ESRP1: variants seen among roughly 807,000 people sequenced by gnomAD.
ESRP1 encodes RNA-binding motif protein 35A.
ESRP1 carries 33 observed loss-of-function variants against 81.7 expected under a neutral mutation model. The observed-to-expected ratio is 0.40, with a 90% CI of 0.31 to 0.54. The LOEUF (loss-of-function observed/expected upper bound fraction) is 0.54, where lower values mean the gene tolerates loss of function less well. ESRP1 is among the 20% of genes least tolerant of loss of function. ESRP1 has a pLI of 0.41. For synonymous variants in ESRP1, 320 were observed against 303.3 expected (o/e 1.06, Z -0.57); for missense variants, 672 against 833.1 (o/e 0.81, Z 2.38).
At chr8:94,656,268 GAGT>G (rs1818413464) in intron 4 of ESRP1, 1 of 152,026 alleles carries the variant, frequency 6.6e-6, no homozygotes. Flanking sequence ...GCCCAGGCTG[GAGT>G]ACAGTGGCGC....
chr8:94,661,943 T>G (rs1818770566), intron 4 of ESRP1, among the ~76,000 whole-genome samples: 1 of 152,230 alleles, frequency 6.6e-6, no homozygotes, highest in South Asian at 2.1e-4. Context: ...GCTGTAAAGA[T>G]TCAGAGGATG....
chr8:94,663,037 T>C (rs555377241), intron 6 of ESRP1, among the ~76,000 whole-genome samples: 1 of 152,330 alleles, frequency 6.6e-6, no homozygotes, highest in Non-Finnish European at 1.5e-5. Context: ...TAGAGCTTGA[T>C]ATTGGGAATA....
chr8:94,702,706 A>G (rs1809885598), intron 15 of ESRP1, among the ~76,000 whole-genome samples: 1 of 152,102 alleles, frequency 6.6e-6, no homozygotes, highest in Admixed American at 6.6e-5. Flanking sequence ...GATGGTCTCA[A>G]TCTCCTGACC....
intron 3 of ESRP1, among the ~76,000 whole-genome samples, chr8:94,644,061 T>C (rs1817734677): frequency 1.3e-5 from 2 of 152,194 alleles, no homozygotes; most frequent in Admixed American, 6.5e-5. Flanking sequence ...GCCTCATCTT[T>C]TACCTTTGCT....
At chr8:94,695,407 T>C (rs1156923920) in intron 14 of ESRP1, among the ~76,000 whole-genome samples, 2 of 121,592 alleles carry the variant, frequency 1.6e-5, no homozygotes, top group Non-Finnish European at 3.2e-5. Flanking sequence ...CAGGCTGGAG[T>C]GCAGTGGCGC....
At chr8:94,704,625 A>G (rs1439988745) in intron 15 of ESRP1, among the ~76,000 whole-genome samples, 2 of 151,916 alleles carry the variant, frequency 1.3e-5, no homozygotes, top group Non-Finnish European at 2.9e-5. Flanking sequence ...TTAGCTGGAT[A>G]TAGTGGTGTG....
chr8:94,681,739 C>T (rs1043466349), intron 13 of ESRP1, among the ~76,000 whole-genome samples: 5 of 152,194 alleles, frequency 3.3e-5, no homozygotes, highest in Non-Finnish European at 7.3e-5. Context: ...GGGTTCAAGA[C>T]CAGCCTGGCC....
chr8:94,641,581 G>A, intron 1 of ESRP1, 131 bp downstream of exon 1: 1 of 1,320,678 alleles, frequency 7.6e-7, no homozygotes, highest in Non-Finnish European at 1.1e-6. Context: ...CTGGACCCGA[G>A]GCCTAGGGAA....
At chr8:94,692,107 T>C (rs1260764974) in intron 13 of ESRP1, among the ~76,000 whole-genome samples, 1 of 152,198 alleles carries the variant, frequency 6.6e-6, no homozygotes, top group Non-Finnish European at 1.5e-5. Flanking sequence ...TTTTTATGTA[T>C]CTCTTCCAAC....
chr8:94,706,039 C>A lies in ESRP1; in HGVS notation c.*150C>A. On this transcript the variant is annotated 3_prime_UTR_variant, in exon 16 of 16. Coordinates refer to ENST00000433389, the MANE Select transcript of ESRP1 (RefSeq NM_017697.4). ...AGTATTTTCAGCAAACTTGATTGGA[C>A]AAACGGGCCTGTGCCTTATCTTTTG... 7.9e-7 allele frequency: 1 copy of A among 1,267,392 alleles called. No individual in the cohort carries two copies. Among genetic ancestry groups the A allele is most frequent in the Non-Finnish European group, 1.1e-6 (1 of 921,698 alleles). 78.5% of individuals were successfully genotyped at this position (1,267,392 alleles called of 1,614,324 possible). A position where few individuals can be genotyped will look rare whatever the true frequency, so the allele number is the denominator to read the frequency against.
intron 4 of ESRP1, 35 bp from the exon 5 acceptor site, chr8:94,662,236 AC>A (rs1467201380): frequency 7.5e-7 from 1 of 1,334,916 alleles, no homozygotes; most frequent in Non-Finnish European, 1.0e-6. Flanking sequence ...ACCTGATTTT[AC>A]CTTTCCAAAG....
At chr8:94,644,370 C>T (rs974735385) in intron 3 of ESRP1, among the ~76,000 whole-genome samples, 18 of 152,090 alleles carry the variant, frequency 1.2e-4, no homozygotes, top group African/African-American at 7.2e-5. Flanking sequence ...TGACAAATGA[C>T]GACCCAGGCA....
intron 15 of ESRP1, 108 bp downstream of exon 15, chr8:94,697,069 T>A (rs977369880): frequency 9.7e-6 from 7 of 723,812 alleles, no homozygotes; most frequent in Non-Finnish European, 1.5e-5. Context: ...TTTAGTGTAA[T>A]GTAAAATATC....
chr8:94,641,273 C>A lies in ESRP1; in HGVS notation c.-46C>A, dbSNP rs763887032. On this transcript the variant is annotated 5_prime_UTR_variant, in exon 1 of 16. Transcript: ENST00000433389. Reference sequence around the variant, plus strand: ...TTTTTTCGTTCTCACTTCCACACCACCTTACCGCCTCCCGACCCCCCCTCT... The same window carrying A: ...TTTTTTCGTTCTCACTTCCACACCAACTTACCGCCTCCCGACCCCCCCTCT... 7 of 1,588,064 alleles carry A rather than the reference C, an allele frequency of 4.4e-6. No homozygotes were observed. The South Asian group carries it at 6.8e-5, about 15-fold the overall frequency.
intron 3 of ESRP1, among the ~76,000 whole-genome samples, chr8:94,645,926 A>G (rs1438046246): frequency 6.6e-6 from 1 of 152,198 alleles, no homozygotes; most frequent in African/African-American, 2.4e-5. Flanking sequence ...AATGGAATGC[A>G]TACTGGAGCA....
chr8:94,677,379 A>C (rs1369690841), intron 12 of ESRP1, among the ~76,000 whole-genome samples: 1 of 152,170 alleles, frequency 6.6e-6, no homozygotes, highest in Non-Finnish European at 1.5e-5. Context: ...AATGGCCCGG[A>C]TAGTTGTGTT....
At position 94,685,435 on chromosome 8, in the gene ESRP1, G is replaced by A. The variant is rs193081480; in HGVS notation, c.1820+7064G>A. ...ATATTGGCATACCAGTGGGCTGTGCGGGAGCTTGAGGCTGCAGTGAGCTGT... is the reference window on the plus strand; with the variant it reads ...ATATTGGCATACCAGTGGGCTGTGCAGGAGCTTGAGGCTGCAGTGAGCTGT... On this transcript the variant is annotated intron_variant, in intron 13 of 15. Coordinates refer to ENST00000433389, the MANE Select transcript of ESRP1 (RefSeq NM_017697.4). 4.6e-5 allele frequency among the ~76,000 whole-genome samples: 7 copies of A among 152,210 alleles called. No homozygotes were observed. In the East Asian group the frequency reaches 5.8e-4, roughly 13 times the overall value.
chr8:94,654,919 C>CAAA (rs570390350), intron 4 of ESRP1, among the ~76,000 whole-genome samples: 1 of 109,786 alleles, frequency 9.1e-6, no homozygotes, highest in Non-Finnish European at 1.8e-5. Context: ...GATCCTGCCT[C>CAAA]AAAAAAAAAA....
intron 11 of ESRP1, among the ~76,000 whole-genome samples, chr8:94,673,569 C>T (rs901718180): frequency 1.3e-5 from 2 of 152,168 alleles, no homozygotes; most frequent in African/African-American, 4.8e-5. Flanking sequence ...AAAACTAAGG[C>T]GTTCTACCTC....
Sources: allele counts gnomAD v4.1 joint callset (sites outside exome capture counted in the v4.1 genomes callset), GRCh38; gene constraint gnomAD v4.1.1; transcripts MANE v1.5; gene names NCBI Gene and HGNC (gene_info 2026-07-23, HGNC 2026-07-21).